Variants in IRF2BP2 observed in about 807,000 individuals in gnomAD.
The protein encoded by IRF2BP2 is interferon regulatory factor 2 binding protein 2, also known as interferon regulatory factor 2-binding protein 2.
A neutral mutation model predicts 32.7 loss-of-function variants in IRF2BP2; 13 were observed. The observed-to-expected ratio is 0.40, with a 90% CI of 0.26 to 0.63. The LOEUF (loss-of-function observed/expected upper bound fraction) is 0.63. IRF2BP2 is among the 30% of genes least tolerant of loss of function. IRF2BP2 has a pLI of 0.42. For synonymous variants in IRF2BP2, 555 were observed against 384.6 expected, an observed-to-expected ratio of 1.44 and a Z score of -5.18; for missense variants, 980 against 830.6, an observed-to-expected ratio of 1.18 and a Z score of -2.21.
chr1:234,608,467 C>T lies in IRF2BP2; in HGVS notation c.1028G>A (p.Gly343Glu), dbSNP rs1013883025. The T allele has an allele frequency of 5.7e-6, 9 of 1,591,404 alleles. No individual in the cohort carries two copies. The African/African-American group carries it at 1.1e-4, about 19-fold the overall frequency. ...AGRLLGFEAN[G>E]ANGSKAVART... ...CCTACCTGCTTTAGACCCGTTGGCCCCGTTGGCCTCGAAACCCAACAACCT... is the reference window on the plus strand; with the variant it reads ...CCTACCTGCTTTAGACCCGTTGGCCTCGTTGGCCTCGAAACCCAACAACCT... The change falls in exon 1 of 2, where the codon GGG becomes GAG. Residue 343 changes from glycine (G) to glutamate (E), a missense_variant. By Grantham distance (98) the Gly-to-Glu change is moderately conservative (BLOSUM62 -2). Transcript: ENST00000366609.
At position 234,608,495 on chromosome 1, in the gene IRF2BP2, C is replaced by T; in HGVS notation, c.1000G>A (p.Gly334Ser). 6.2e-7 allele frequency: 1 copy of T among 1,607,480 alleles called. No homozygotes were observed. Among genetic ancestry groups the T allele is most frequent in the Non-Finnish European group, 8.5e-7 (1 of 1,176,988 alleles). ...KFKKEPALTA[G>S]RLLGFEANGA... is the part of the protein sequence containing the mutation. ...TTGGCCTCGAAACCCAACAACCTGC[C>T]TGCAGTCAGGGCCGGCTCCTTCTTA... is the stretch of plus-strand genomic sequence containing the variant. Residue 334 changes from glycine (G) to serine (S), a missense_variant, in exon 1 of 2, where the codon GGC becomes AGC. By Grantham distance (56) the Gly-to-Ser change is moderately conservative (BLOSUM62 0). Coordinates refer to ENST00000366609, the MANE Select transcript of IRF2BP2 (RefSeq NM_182972.3).
rs951448865 is a variant in IRF2BP2, at chr1:234,607,672, T to C, written c.1229A>G (p.Asn410Ser). Reference sequence around the variant, plus strand: ...GGCCGCTTCAGGCGGTGTGGTCCGGTTGGAATGAGGTGAGGCAGTGGGTGG... The same window carrying C: ...GGCCGCTTCAGGCGGTGTGGTCCGGCTGGAATGAGGTGAGGCAGTGGGTGG... ...PPPPTASPHS[N>S]RTTPPEAAQN... The change falls in exon 2 of 2, where the codon AAC (asparagine) becomes AGC (serine). Residue 410 changes from asparagine to serine, a missense_variant. Coordinates refer to ENST00000366609, the MANE Select transcript of IRF2BP2 (RefSeq NM_182972.3). 14 of 1,613,978 alleles carry C rather than the reference T, an allele frequency of 8.7e-6. No individual in the cohort carries two copies. The highest frequency in any genetic ancestry group is 1.2e-5 in the Non-Finnish European group (14 of 1,179,966).
chr1:234,608,166 G>A (rs1432818637), intron 1 of IRF2BP2: 2 of 525,354 alleles, frequency 3.8e-6, no homozygotes, highest in African/African-American at 1.9e-5. Flanking sequence ...CCCCCAATAG[G>A]TTAAAAGGTG....
chr1:234,609,555 G>GC lies in IRF2BP2; in HGVS notation c.-62dup, dbSNP rs1421170093. On this transcript the variant is annotated 5_prime_UTR_variant, in exon 1 of 2. Transcript: ENST00000366609. ...AGGAGGAGGAGGGGGCGCCGCCGCC[G>GC]CCCCCCACCGGCACCACGCGCGCCC... is the stretch of plus-strand genomic sequence containing the variant. 1.9e-6 allele frequency: 2 copies of GC among 1,039,890 alleles called. No individual in the cohort carries two copies. The highest frequency in any genetic ancestry group is 2.3e-5 in the South Asian group (1 of 43,624). 64.4% of individuals were successfully genotyped at this position (1,039,890 alleles called of 1,614,324 possible).
At position 234,609,198 on chromosome 1, in the gene IRF2BP2, A is replaced by C; in HGVS notation, c.297T>G (p.Leu99=). 1 of 1,304,242 alleles carries C rather than the reference A, an allele frequency of 7.7e-7. No homozygotes were observed. The highest frequency in any genetic ancestry group is 2.2e-5 in the South Asian group (1 of 45,040). The allele number at this position is 1,304,242 out of a possible 1,614,324, so 80.8% of individuals were successfully genotyped here. A position where few individuals can be genotyped will look rare whatever the true frequency, so the allele number is the denominator to read the frequency against. ...KDILLQQQQQ[L]GHGGPEAAPR... ...GGGCCGCCTCGGGGCCGCCGTGGCC[A>C]AGCTGCTGCTGCTGCTGCAAAAGGA... is the stretch of plus-strand genomic sequence containing the variant. Residue 99 remains leucine (L), a synonymous_variant, in exon 1 of 2, where the codon CTT becomes CTG. Transcript: ENST00000366609.
rs933538009 is a variant in IRF2BP2 at position 234,606,102 on chromosome 1, A to C, written c.*1035T>G. On this transcript the variant is annotated 3_prime_UTR_variant, in exon 2 of 2. Transcript: ENST00000366609. ...ACTGTATTCAGCACTCACTAGAAACAGGGTATAGGTGATAGTATCAACAGC... is the reference window on the plus strand; with the variant it reads ...ACTGTATTCAGCACTCACTAGAAACCGGGTATAGGTGATAGTATCAACAGC... 1.3e-5 allele frequency: 2 copies of C among 152,258 alleles called. No individual in the cohort carries two copies. Among genetic ancestry groups the C allele is most frequent in the Non-Finnish European group, 2.9e-5 (2 of 68,060 alleles). 9.4% of individuals were successfully genotyped at this position (152,258 alleles called of 1,614,324 possible).
chr1:234,607,148 T>TC lies in IRF2BP2; in HGVS notation c.1752dup (p.Arg585GlufsTer17). The TC allele has an allele frequency of 6.2e-7, 1 of 1,606,866 alleles. No homozygotes were observed. The highest frequency in any genetic ancestry group is 8.5e-7 in the Non-Finnish European group (1 of 1,174,510). On this transcript the variant is annotated frameshift_variant, in exon 2 of 2. Transcript: ENST00000366609. LOFTEE classifies it high-confidence loss of function. ...TGAAACCGGAAAAGTCACGAGTCTC[T>TC]CTCTTTTTTCACTTTCACATCTCCA...
chr1:234,607,774 G>A lies in IRF2BP2; in HGVS notation c.1127C>T (p.Ala376Val). 6 of 1,613,838 alleles carry A rather than the reference G, an allele frequency of 3.7e-6. No homozygotes were observed. The highest frequency in any genetic ancestry group is 1.3e-5 in the African/African-American group (1 of 75,060). ...TGTGGATGTGGACAGCCACGGCTGG[G>A]CCTCTCCGTTGATCTTAGGGGGCCC... ...EVGPPKINGEAQPWLSTSTEG... is the reference protein window; with the variant it reads ...EVGPPKINGEVQPWLSTSTEG... Residue 376 changes from alanine (A) to valine (V), a missense_variant, in exon 2 of 2, where the codon GCC becomes GTC. Transcript: ENST00000366609.
In IRF2BP2 at chr1:234,608,527, C is replaced by T. The variant is rs749240721; in HGVS notation, c.968G>A (p.Ser323Asn). Residue 323 changes from serine to asparagine, a missense_variant, in exon 1 of 2, where the codon AGC becomes AAC. By Grantham distance (46) the Ser-to-Asn change is conservative. Transcript: ENST00000366609. Reference sequence around the variant, plus strand: ...CAGGGCCGGCTCCTTCTTAAACTTGCTCTCGAAGGGCCCCGAGTGGCCGTG... The same window carrying T: ...CAGGGCCGGCTCCTTCTTAAACTTGTTCTCGAAGGGCCCCGAGTGGCCGTG... ...HQHGHSGPFE[S>N]KFKKEPALTA... 7.5e-5 allele frequency: 120 copies of T among 1,610,646 alleles called. No individual in the cohort carries two copies. The highest frequency in any genetic ancestry group is 4.1e-4 in the South Asian group (37 of 90,490).
chr1:234,609,110 G>T lies in IRF2BP2; in HGVS notation c.385C>A (p.Leu129Ile). The T allele has an allele frequency of 8.1e-7, 1 of 1,229,374 alleles. No individual in the cohort carries two copies. The highest frequency in any genetic ancestry group is 1.0e-6 in the Non-Finnish European group (1 of 987,548). 76.2% of individuals were successfully genotyped at this position (1,229,374 alleles called of 1,614,324 possible). ...LAAAAERPPR[L>I]GSDFGSSRPA... ...CGGCTGCTGCCGAAGTCAGAGCCGA[G>T]GCGCGGGGGCCTCTCGGCCGCGGCC... Residue 129 changes from leucine (L) to isoleucine (I), a missense_variant, in exon 1 of 2, where the codon CTC becomes ATC. Coordinates refer to ENST00000366609, the MANE Select transcript of IRF2BP2 (RefSeq NM_182972.3).
At position 234,608,936 on chromosome 1, in the gene IRF2BP2, T is replaced by C; in HGVS notation, c.559A>G (p.Thr187Ala). The C allele has an allele frequency of 7.3e-7, 1 of 1,363,198 alleles. No homozygotes were observed. Among genetic ancestry groups the C allele is most frequent in the Non-Finnish European group, 9.4e-7 (1 of 1,063,114 alleles). The allele number at this position is 1,363,198 out of a possible 1,614,324, so 84.4% of individuals were successfully genotyped here. ...NPRRGHAVPP[T>A]LVPLMNGSAT... ...GAGCCGTTCATGAGCGGCACCAGGG[T>C]GGGCGGCACCGCGTGGCCGCGCCGC... The change falls in exon 1 of 2, where the codon ACC (threonine) becomes GCC (alanine). Residue 187 changes from threonine (T) to alanine (A), a missense_variant. By Grantham distance (58) the Thr-to-Ala change is moderately conservative. Coordinates refer to ENST00000366609, the MANE Select transcript of IRF2BP2 (RefSeq NM_182972.3).
Position 234,608,583 on chromosome 1 carries a change from G to T in IRF2BP2, c.912C>A (p.Thr304=), listed in dbSNP as rs375536261. ...GCAGCGCCAGCAGCGTGTCGCGCACGGTCTTGGGCCTGTTGACCCAGTCCT... is the reference window on the plus strand; with the variant it reads ...GCAGCGCCAGCAGCGTGTCGCGCACTGTCTTGGGCCTGTTGACCCAGTCCT... ...GEQDWVNRPK[T]VRDTLLALHQ... is the part of the protein sequence containing the mutation. The change falls in exon 1 of 2, where the codon ACC becomes ACA. Residue 304 remains threonine (T), a synonymous_variant. Coordinates refer to ENST00000366609, the MANE Select transcript of IRF2BP2 (RefSeq NM_182972.3). The T allele has an allele frequency of 1.3e-4, 215 of 1,607,118 alleles. 2 individuals carry two copies. In the South Asian group the frequency reaches 2.0e-3, roughly 15 times the overall value.
chr1:234,610,166 G>A lies in IRF2BP2; in HGVS notation c.-672C>T, dbSNP rs1452541164. 2.7e-5 allele frequency among the ~76,000 whole-genome samples: 4 copies of A among 148,264 alleles called. No individual in the cohort carries two copies. The highest frequency in any genetic ancestry group is 7.3e-5 in the African/African-American group (3 of 41,126). Reference sequence around the variant, plus strand: ...CGCTGCTGCTGCTGCCGCCGCGACCGCTCCACTTCTACAGACTTGATTCTT... The same window carrying A: ...CGCTGCTGCTGCTGCCGCCGCGACCACTCCACTTCTACAGACTTGATTCTT... On this transcript the variant is annotated 5_prime_UTR_variant, in exon 1 of 2. Transcript: ENST00000366609.
In IRF2BP2 at chr1:234,609,916, G is replaced by C. The variant is rs895237284; in HGVS notation, c.-422C>G. On this transcript the variant is annotated 5_prime_UTR_variant, in exon 1 of 2. Coordinates refer to ENST00000366609, the MANE Select transcript of IRF2BP2 (RefSeq NM_182972.3). The stretch of plus-strand genomic sequence containing the variant: ...GCGGCCGGCACGGAGTGCGGGGCGG[G>C]GGGCGGGGAGGCCGGGGGGGCAGGG... Among the ~76,000 whole-genome samples the C allele has an allele frequency of 7.1e-6, 1 of 141,804 alleles. No homozygotes were observed. The highest frequency in any genetic ancestry group is 1.6e-5 in the Non-Finnish European group (1 of 63,860). The allele number at this position is 141,804 out of a possible 152,430, so 93.0% of individuals were successfully genotyped here.
At position 234,607,270 on chromosome 1, in the gene IRF2BP2, C is replaced by T; in HGVS notation, c.1631G>A (p.Ser544Asn). The part of the protein sequence containing the change: ...SRQSIKQQGA[S>N]GEVYCPSGEK... ...CCCACTGGGACAATAGACCTCTCCA[C>T]TAGCTCCCTGCTGTTTGATGCTTTG... The change falls in exon 2 of 2, where the codon AGT (serine) becomes AAT (asparagine). Residue 544 changes from serine to asparagine, a missense_variant. Physicochemically the swap from Ser to Asn is conservative, Grantham distance 46. Transcript: ENST00000366609. The T allele has an allele frequency of 1.9e-6, 3 of 1,614,244 alleles. No homozygotes were observed. In the African/African-American group the frequency reaches 4.0e-5, roughly 22 times the overall value.
rs1437956159 is a variant in IRF2BP2 at position 234,608,703 on chromosome 1, AGGC to A, written c.789_791del (p.Pro264del). The A allele has an allele frequency of 3.3e-6, 5 of 1,502,700 alleles. No individual in the cohort carries two copies. Among genetic ancestry groups the A allele is most frequent in the Admixed American group, 4.3e-5 (2 of 46,126 alleles). The allele number at this position is 1,502,700 out of a possible 1,614,324, so 93.1% of individuals were successfully genotyped here. A position where few individuals can be genotyped will look rare whatever the true frequency, so the allele number is the denominator to read the frequency against. ...GGCTGTCGGCCGGGCCCCGGTGCGC[AGGC>A]GGCGGCGGTTGTTTCTCCTTGGCTG... On this transcript the variant is annotated inframe_deletion, in exon 1 of 2. Coordinates refer to ENST00000366609, the MANE Select transcript of IRF2BP2 (RefSeq NM_182972.3).
chr1:234,608,731 G>A lies in IRF2BP2; in HGVS notation c.764C>T (p.Ala255Val). Residue 255 changes from alanine to valine, a missense_variant, in exon 1 of 2, where the codon GCA becomes GTA. Coordinates refer to ENST00000366609, the MANE Select transcript of IRF2BP2 (RefSeq NM_182972.3). ...AAVEHEQREA[A>V]AKEKQPPPPA... is the part of the protein sequence containing the mutation. Reference sequence around the variant, plus strand: ...CGGCGGCGGTTGTTTCTCCTTGGCTGCCGCCTCACGCTGCTCGTGCTCCAC... The same window carrying A: ...CGGCGGCGGTTGTTTCTCCTTGGCTACCGCCTCACGCTGCTCGTGCTCCAC... 2 of 1,498,334 alleles carry A rather than the reference G, an allele frequency of 1.3e-6. No individual in the cohort carries two copies. Among genetic ancestry groups the A allele is most frequent in the East Asian group, 2.8e-5 (1 of 36,182 alleles). 92.8% of individuals were successfully genotyped at this position (1,498,334 alleles called of 1,614,324 possible).
chr1:234,606,086 A>G lies in IRF2BP2; in HGVS notation c.*1051T>C, dbSNP rs183315016. On this transcript the variant is annotated 3_prime_UTR_variant, in exon 2 of 2. Coordinates refer to ENST00000366609, the MANE Select transcript of IRF2BP2 (RefSeq NM_182972.3). Reference sequence around the variant, plus strand: ...ACTGTCATTGTACCATACTGTATTCAGCACTCACTAGAAACAGGGTATAGG... The same window carrying G: ...ACTGTCATTGTACCATACTGTATTCGGCACTCACTAGAAACAGGGTATAGG... 5 of 152,390 alleles carry G rather than the reference A, an allele frequency of 3.3e-5. No homozygotes were observed. The highest frequency in any genetic ancestry group is 9.6e-5 in the African/African-American group (4 of 41,602). The allele number at this position is 152,390 out of a possible 1,614,324, so 9.4% of individuals were successfully genotyped here. A position where few individuals can be genotyped will look rare whatever the true frequency, so the allele number is the denominator to read the frequency against.
Position 234,607,159 on chromosome 1 carries a change from A to C in IRF2BP2, c.1742T>G (p.Val581Gly). 1 of 1,603,836 alleles carries C rather than the reference A, an allele frequency of 6.2e-7. No individual in the cohort carries two copies. The highest frequency in any genetic ancestry group is 8.5e-7 in the Non-Finnish European group (1 of 1,174,512). The stretch of plus-strand genomic sequence containing the variant: ...AAGTCACGAGTCTCTCTCTTTTTTC[A>C]CTTTCACATCTCCAGCAAGGATGGT... ...IATILAGDVK[V>G]KKERDS Residue 581 changes from valine (V) to glycine (G), a missense_variant, in exon 2 of 2, where the codon GTG becomes GGG. By Grantham distance (109) the Val-to-Gly change is moderately radical. Coordinates refer to ENST00000366609, the MANE Select transcript of IRF2BP2 (RefSeq NM_182972.3).
Sources: allele counts gnomAD v4.1 joint callset (sites outside exome capture counted in the v4.1 genomes callset), GRCh38; gene constraint gnomAD v4.1.1; transcripts MANE v1.5; gene names NCBI Gene and HGNC (gene_info 2026-07-23, HGNC 2026-07-21).